The following RBM20 variants were observed in gnomAD, a reference collection of about 807,000 sequenced individuals.
RBM20 encodes RNA binding motif protein 20.
A neutral mutation model predicts 110.1 loss-of-function variants in RBM20; 51 were observed. That is an observed-to-expected ratio of 0.46 (90% CI 0.37 to 0.59). RBM20 has a LOEUF of 0.59. RBM20 is among the 20% of genes least tolerant of loss of function. The probability of loss-of-function intolerance (pLI) is 0.00; values close to 1 mark genes in which losing one functional copy is unlikely to be tolerated. For missense variants in RBM20, 1,512 were observed against 1,574.9 expected, an observed-to-expected ratio of 0.96 and a Z score of 0.68; for synonymous variants, 589 against 618.2, an observed-to-expected ratio of 0.95 and a Z score of 0.70.
Position 110,835,978 on chromosome 10 carries a change from A to G in RBM20, c.3684A>G (p.Ter1228TrpextTer33), listed in dbSNP as rs1845123103. Residue 1228 changes from the stop codon to tryptophan (W), a stop_lost, in exon 14 of 14, where the codon TGA (stop) becomes TGG (tryptophan). Transcript: ENST00000369519. The stretch of plus-strand genomic sequence containing the variant: ...CACGCTTCGAAAGGAAAAAGCTCTG[A>G]TGCTTCTGCTTCTGCTGCTACTGCT... ...IVPRFERKKL* is the reference protein window; with the variant it reads ...IVPRFERKKLW 1 of 1,112,968 alleles carries G rather than the reference A, an allele frequency of 9.0e-7. No individual in the cohort carries two copies. Among genetic ancestry groups the G allele is most frequent in the Non-Finnish European group, 1.3e-6 (1 of 758,744 alleles). The allele number at this position is 1,112,968 out of a possible 1,614,324, so 68.9% of individuals were successfully genotyped here.
intron 11 of RBM20, 106 bp from the exon 12 acceptor site, chr10:110,823,374 C>T (rs1189798139): frequency 6.5e-6 from 9 of 1,380,992 alleles, no homozygotes; most frequent in Admixed American, 2.7e-5. Flanking sequence ...AGGAACAATT[C>T]CCAATCATAC....
At chr10:110,752,943 ATATTTTT>A (rs1843875679) in intron 1 of RBM20, among the ~76,000 whole-genome samples, 2 of 95,036 alleles carry the variant, frequency 2.1e-5, no homozygotes, top group East Asian at 5.5e-4. Flanking sequence ...ATATATATAT[ATATTTTT>A]TTTTTTTTTA....
intron 5 of RBM20, among the ~76,000 whole-genome samples, chr10:110,791,655 T>C (rs1844485275): frequency 6.6e-6 from 1 of 152,216 alleles, no homozygotes; most frequent in Non-Finnish European, 1.5e-5. Context: ...CCCAGCCATA[T>C]GAACGATCAG....
intron 1 of RBM20, among the ~76,000 whole-genome samples, chr10:110,681,057 G>C (rs1334094980): frequency 6.6e-6 from 1 of 152,218 alleles, no homozygotes; most frequent in East Asian, 1.9e-4. Context: ...CTTGATAGAA[G>C]AGAAACAGGG....
intron 1 of RBM20, among the ~76,000 whole-genome samples, chr10:110,717,714 A>G (rs1863041453): frequency 6.6e-6 from 1 of 152,174 alleles, no homozygotes; most frequent in Non-Finnish European, 1.5e-5. Context: ...ACAGTTTCCC[A>G]TCCCTCTTCC....
intron 1 of RBM20, among the ~76,000 whole-genome samples, chr10:110,661,507 A>G (rs1306579291): frequency 6.6e-6 from 1 of 152,244 alleles, no homozygotes; most frequent in African/African-American, 2.4e-5. Context: ...GGGATTCGTG[A>G]ATAACACTTG....
At chr10:110,699,138 A>G (rs1862716365) in intron 1 of RBM20, among the ~76,000 whole-genome samples, 1 of 152,060 alleles carries the variant, frequency 6.6e-6, no homozygotes, top group Non-Finnish European at 1.5e-5. Flanking sequence ...CGGGGGCTCC[A>G]CTGATGGACT....
At chr10:110,829,783 G>T (rs1300089292) in intron 12 of RBM20, among the ~76,000 whole-genome samples, 2 of 152,166 alleles carry the variant, frequency 1.3e-5, no homozygotes, top group Non-Finnish European at 2.9e-5. Context: ...CATGAGTGGA[G>T]ACCTTGCCTG....
intron 5 of RBM20, among the ~76,000 whole-genome samples, chr10:110,790,242 G>A (rs951081366): frequency 6.6e-6 from 1 of 152,120 alleles, no homozygotes; most frequent in African/African-American, 2.4e-5. Flanking sequence ...GGCTTAGAGC[G>A]CTCTGGTCTC....
intron 12 of RBM20, among the ~76,000 whole-genome samples, chr10:110,828,508 C>T (rs943146520): frequency 6.6e-6 from 1 of 152,198 alleles, no homozygotes; most frequent in East Asian, 1.9e-4. Context: ...CCGGGTTCCC[C>T]AGGTGGCCTT....
intron 1 of RBM20, among the ~76,000 whole-genome samples, chr10:110,757,916 T>C (rs774268267): frequency 6.6e-6 from 1 of 151,440 alleles, no homozygotes. Flanking sequence ...TAGACCCTAC[T>C]GTGAGTTGTT....
intron 1 of RBM20, among the ~76,000 whole-genome samples, chr10:110,730,953 G>A (rs970209120): frequency 1.3e-5 from 2 of 152,302 alleles, no homozygotes; most frequent in South Asian, 2.1e-4. Flanking sequence ...AGCACCAATC[G>A]CTTCGTACTG....
rs1017983729 is a variant in RBM20 at position 110,698,052 on chromosome 10, C to T, written c.191+53407C>T. Among the ~76,000 whole-genome samples, 18 of 152,060 alleles carry T rather than the reference C, an allele frequency of 1.2e-4. 1 individual carries two copies. Among genetic ancestry groups the T allele is most frequent in the Admixed American group, 6.6e-4 (10 of 15,264 alleles). On this transcript the variant is annotated intron_variant, in intron 1 of 13. Transcript: ENST00000369519. ...CCTCCCGAGTAGCTGGGACTACAGG[C>T]GCCCACCAACACGCCCGGCTAATTT... is the stretch of plus-strand genomic sequence containing the variant.
At chr10:110,804,190 G>C (rs542526311) in intron 7 of RBM20, among the ~76,000 whole-genome samples, 3 of 152,332 alleles carry the variant, frequency 2.0e-5, no homozygotes, top group Admixed American at 2.0e-4. Context: ...TTCCTGAATT[G>C]ATCTCTGGCC....
intron 1 of RBM20, among the ~76,000 whole-genome samples, chr10:110,730,387 C>T (rs186670966): frequency 2.6e-5 from 4 of 152,198 alleles, no homozygotes; most frequent in African/African-American, 7.2e-5. Context: ...GGAGATCCCC[C>T]GACCTCCTTT....
At chr10:110,694,981 AG>A (rs1341677612) in intron 1 of RBM20, among the ~76,000 whole-genome samples, 2 of 152,300 alleles carry the variant, frequency 1.3e-5, no homozygotes, top group East Asian at 3.9e-4. Flanking sequence ...TGTGGTTCAA[AG>A]GTTGTGTCCT....
intron 1 of RBM20, among the ~76,000 whole-genome samples, chr10:110,752,951 T>A (rs1405673276): frequency 0.022 from 3,069 of 137,606 alleles, 46 homozygotes; most frequent in Non-Finnish European, 0.035. Context: ...ATATATTTTT[T>A]TTTTTTTTAT....
chr10:110,758,262 C>A (rs979033476), intron 1 of RBM20, among the ~76,000 whole-genome samples: 1 of 152,062 alleles, frequency 6.6e-6, no homozygotes, highest in Non-Finnish European at 1.5e-5. Flanking sequence ...AGCAATCCAC[C>A]TGCCTCAGCC....
chr10:110,659,793 C>T (rs1862075748), intron 1 of RBM20, among the ~76,000 whole-genome samples: 1 of 146,308 alleles, frequency 6.8e-6, no homozygotes, highest in Non-Finnish European at 1.5e-5. Flanking sequence ...TCCTCTTCCT[C>T]CCGTTCCCCT....
Sources: gnomAD v4.1 joint callset for allele counts (sites outside exome capture counted in the v4.1 genomes callset) on GRCh38, gnomAD v4.1.1 for gene constraint, MANE v1.5 for transcripts, NCBI Gene and HGNC (gene_info 2026-07-23, HGNC 2026-07-21) for gene names.